SEMA5B: variants seen among roughly 807,000 people sequenced by gnomAD.
SEMA5B encodes semaphorin 5B.
In SEMA5B, 66 loss-of-function variants were observed where a neutral mutation model predicts 135.0. The observed-to-expected ratio is 0.49, with a 90% CI of 0.40 to 0.60. The LOEUF (loss-of-function observed/expected upper bound fraction) is 0.60, where lower values mean the gene tolerates loss of function less well. Ranked by LOEUF, SEMA5B falls within the 20% of genes least tolerant of loss-of-function variation. The pLI, the probability that SEMA5B is intolerant of heterozygous loss-of-function variation, is 0.00. For missense variants in SEMA5B, 1,501 were observed against 1,566.3 expected, an observed-to-expected ratio of 0.96 and a Z score of 0.70; for synonymous variants, 690 against 639.5, an observed-to-expected ratio of 1.08 and a Z score of -1.19.
intron 3 of SEMA5B, among the ~76,000 whole-genome samples, chr3:122,944,763 T>A (rs1200040894): frequency 2.6e-5 from 4 of 152,210 alleles, no homozygotes; most frequent in African/African-American, 9.7e-5. Context: ...GTTTCCCTCC[T>A]GCTGGAGACA....
intron 1 of SEMA5B, among the ~76,000 whole-genome samples, chr3:123,017,316 A>G (rs145809405): frequency 1.8e-4 from 28 of 152,158 alleles, no homozygotes; most frequent in South Asian, 4.1e-4. Context: ...CTTCCTTTAA[A>G]CACAGCCCTA....
intron 4 of SEMA5B, among the ~76,000 whole-genome samples, chr3:122,940,179 C>T (rs1385015630): frequency 6.6e-6 from 1 of 152,192 alleles, no homozygotes; most frequent in African/African-American, 2.4e-5. Context: ...CCTTCAGTAA[C>T]AAAGAGGATA....
intron 1 of SEMA5B, among the ~76,000 whole-genome samples, chr3:122,996,116 G>T (rs1279418401): frequency 6.6e-6 from 1 of 152,236 alleles, no homozygotes; most frequent in Non-Finnish European, 1.5e-5. Flanking sequence ...CACCAACTTG[G>T]ATGGGCGCCA....
intron 1 of SEMA5B, among the ~76,000 whole-genome samples, chr3:122,965,176 A>G (rs1188148734): frequency 6.6e-6 from 1 of 152,200 alleles, no homozygotes; most frequent in African/African-American, 2.4e-5. Flanking sequence ...AGCTGGGGGC[A>G]GGAGCTCAGT....
chr3:122,936,840 C>T (rs1268197012), intron 5 of SEMA5B, among the ~76,000 whole-genome samples: 1 of 152,184 alleles, frequency 6.6e-6, no homozygotes, highest in Non-Finnish European at 1.5e-5. Flanking sequence ...CTCTTCCCTA[C>T]TTCAGAGCTT....
intron 14 of SEMA5B, among the ~76,000 whole-genome samples, chr3:122,914,533 A>G (rs1372789958): frequency 2.0e-5 from 3 of 152,246 alleles, no homozygotes; most frequent in Non-Finnish European, 4.4e-5. Context: ...TCTGTAACTT[A>G]ACTTTAAAGT....
chr3:122,913,149 C>G (rs1387390569), intron 17 of SEMA5B, 50 bp downstream of exon 17: 1 of 1,463,510 alleles, frequency 6.8e-7, no homozygotes, highest in African/African-American at 1.5e-5. Flanking sequence ...CCCGCCCTCA[C>G]CGCTCCGGGG....
intron 1 of SEMA5B, among the ~76,000 whole-genome samples, chr3:122,966,805 G>T (rs1055402603): frequency 2.0e-5 from 3 of 149,934 alleles, no homozygotes; most frequent in African/African-American, 4.9e-5. Flanking sequence ...TGATCTGCCC[G>T]CCTCGGCCTC....
chr3:122,959,419 T>G (rs894664619), intron 2 of SEMA5B, among the ~76,000 whole-genome samples: 3 of 152,178 alleles, frequency 2.0e-5, no homozygotes, highest in African/African-American at 7.2e-5. Context: ...AATGACATTA[T>G]TTGACATAGC....
At chr3:123,026,817 C>G (rs946809298) in intron 1 of SEMA5B, among the ~76,000 whole-genome samples, 9 of 152,246 alleles carry the variant, frequency 5.9e-5, no homozygotes, top group Non-Finnish European at 1.2e-4. Context: ...GCACCCCTCT[C>G]CACCCTCCCA....
intron 1 of SEMA5B, among the ~76,000 whole-genome samples, chr3:122,991,897 C>A (rs544044114): frequency 6.6e-6 from 1 of 152,078 alleles, no homozygotes; most frequent in Non-Finnish European, 1.5e-5. Flanking sequence ...AAAACATGAT[C>A]GCAGGCATGT....
intron 1 of SEMA5B, among the ~76,000 whole-genome samples, chr3:122,984,161 C>T (rs571047745): frequency 5.9e-4 from 90 of 152,372 alleles, no homozygotes; most frequent in African/African-American, 2.0e-3. Flanking sequence ...TGTCTCCCGC[C>T]CCCCGCCGTG....
intron 1 of SEMA5B, among the ~76,000 whole-genome samples, chr3:123,013,560 C>T (rs752063313): frequency 1.3e-5 from 2 of 152,198 alleles, no homozygotes; most frequent in Non-Finnish European, 2.9e-5. Context: ...CCAAAGGCCA[C>T]TCTAACAGTA....
At chr3:122,936,490 C>T (rs1939292267) in intron 5 of SEMA5B, among the ~76,000 whole-genome samples, 2 of 152,160 alleles carry the variant, frequency 1.3e-5, no homozygotes, top group African/African-American at 2.4e-5. Flanking sequence ...CCCCATTATG[C>T]GTCCTGATGC....
In SEMA5B at chr3:122,926,431, G is replaced by A. The variant is rs149019778; in HGVS notation, c.1097C>T (p.Pro366Leu). Residue 366 changes from proline to leucine, a missense_variant, in exon 9 of 23, where the codon CCG becomes CTG. Physicochemically the swap from Pro to Leu is moderately conservative, Grantham distance 98. This residue lies in a region of SEMA5B where 574 missense variants were observed against 684.7 expected (regional missense o/e 0.84). Coordinates refer to ENST00000357599, the MANE Select transcript of SEMA5B (RefSeq NM_001031702.4). ...YNELQSAFHL[P>L]EQDLIYGVFT... ...AACTCCATAGATGAGGTCCTGCTCC[G>A]GCAAGTGGAAGGCACTCTGCAGCTC... 25 of 1,613,980 alleles carry A rather than the reference G, an allele frequency of 1.5e-5. No individual in the cohort carries two copies. The highest frequency in any genetic ancestry group is 1.6e-4 in the Middle Eastern group (1 of 6,084).
In SEMA5B at chr3:122,915,781, C is replaced by G; in HGVS notation, c.1798G>C (p.Ala600Pro). ...NMSLWTQNIT[A>P]CPVRNVTRDG... is the part of the protein sequence containing the mutation. Reference sequence around the variant, plus strand: ...CACAAGGGGATTCTCACAGGACAGGCGGTGATGTTCTGGGTCCAGAGGCTC... The same window carrying G: ...CACAAGGGGATTCTCACAGGACAGGGGGTGATGTTCTGGGTCCAGAGGCTC... The change falls in exon 13 of 23, where the codon GCC becomes CCC. Residue 600 changes from alanine to proline, a missense_variant. Ala to Pro is a conservative substitution (Grantham distance 27). Coordinates refer to ENST00000357599, the MANE Select transcript of SEMA5B (RefSeq NM_001031702.4). 1 of 1,613,808 alleles carries G rather than the reference C, an allele frequency of 6.2e-7. No individual in the cohort carries two copies. Among genetic ancestry groups the G allele is most frequent in the South Asian group, 1.1e-5 (1 of 91,082 alleles).
intron 1 of SEMA5B, among the ~76,000 whole-genome samples, chr3:122,996,278 G>A (rs116532267): frequency 0.019 from 2,924 of 152,360 alleles, 33 homozygotes; most frequent in Non-Finnish European, 0.03. Context: ...AAGGGAGGCC[G>A]TCTGGGCCCC....
At chr3:122,955,798 T>C (rs1449539989) in intron 2 of SEMA5B, among the ~76,000 whole-genome samples, 1 of 152,264 alleles carries the variant, frequency 6.6e-6, no homozygotes, top group Admixed American at 6.5e-5. Flanking sequence ...TCCATTAATA[T>C]TAGTTTACTA....
At chr3:122,938,192 C>T (rs942364025) in intron 5 of SEMA5B, among the ~76,000 whole-genome samples, 1 of 152,192 alleles carries the variant, frequency 6.6e-6, no homozygotes, top group Non-Finnish European at 1.5e-5. Context: ...ACTCAAATGC[C>T]TTGTACCATG....
Sources: gnomAD v4.1 joint callset for allele counts (sites outside exome capture counted in the v4.1 genomes callset) on GRCh38, gnomAD v4.1.1 for gene constraint, gnomAD v4.1.1 regional missense constraint, MANE v1.5 for transcripts, NCBI Gene and HGNC (gene_info 2026-07-23, HGNC 2026-07-21) for gene names.